KYNU: variants seen among roughly 807,000 people sequenced by gnomAD.
KYNU encodes L-kynurenine hydrolase.
KYNU carries 54 observed loss-of-function variants against 59.2 expected under a neutral mutation model. The observed-to-expected ratio is 0.91, with a 90% CI of 0.73 to 1.14. KYNU has a LOEUF of 1.14. Among genes scored for constraint, KYNU ranks in the 50% most tolerant of loss-of-function variants. The probability of loss-of-function intolerance (pLI) is 0.00; values close to 1 mark genes in which losing one functional copy is unlikely to be tolerated. For missense variants in KYNU, 567 were observed against 554.4 expected, an observed-to-expected ratio of 1.02 and a Z score of -0.23; for synonymous variants, 177 against 192.0, an observed-to-expected ratio of 0.92 and a Z score of 0.65.
intron 10 of KYNU, 44 bp downstream of exon 10, chr2:142,986,065 A>G (rs1685189552): frequency 7.8e-7 from 1 of 1,290,096 alleles, no homozygotes; most frequent in African/African-American, 1.5e-5. Flanking sequence ...GAACAAATTA[A>G]TTTGCATTAA....
intron 8 of KYNU, among the ~76,000 whole-genome samples, chr2:142,979,422 T>A (rs1684986743): frequency 6.6e-6 from 1 of 152,052 alleles, no homozygotes; most frequent in African/African-American, 2.4e-5. Flanking sequence ...GACAGTAAGA[T>A]TAGAAAATTG....
intron 10 of KYNU, among the ~76,000 whole-genome samples, chr2:143,003,533 G>A (rs980774216): frequency 6.6e-6 from 1 of 152,198 alleles, no homozygotes; most frequent in Admixed American, 6.5e-5. Flanking sequence ...AGTGAGCTGA[G>A]ATCACGCCAC....
At chr2:142,930,543 G>C (rs1393233663) in intron 4 of KYNU, among the ~76,000 whole-genome samples, 2 of 152,144 alleles carry the variant, frequency 1.3e-5, no homozygotes, top group Non-Finnish European at 2.9e-5. Context: ...TGTCAGGGTT[G>C]GTTTCTAGTA....
intron 3 of KYNU, among the ~76,000 whole-genome samples, chr2:142,927,433 T>TC (rs1317639447): frequency 1.4e-5 from 2 of 143,480 alleles, no homozygotes; most frequent in Non-Finnish European, 3.0e-5. Flanking sequence ...ATGAACAATC[T>TC]CCCCCATTCC....
chr2:143,020,994 A>G (rs1686391454), intron 10 of KYNU, among the ~76,000 whole-genome samples: 1 of 152,196 alleles, frequency 6.6e-6, no homozygotes, highest in Non-Finnish European at 1.5e-5. Flanking sequence ...GAGGTGAACA[A>G]TGGTATCGCA....
intron 2 of KYNU, among the ~76,000 whole-genome samples, chr2:142,893,485 A>G (rs1305029156): frequency 1.1e-4 from 17 of 152,360 alleles, no homozygotes; most frequent in Non-Finnish European, 2.2e-4. Flanking sequence ...CAGGGAAACT[A>G]TGTACATTTC....
intron 8 of KYNU, among the ~76,000 whole-genome samples, chr2:142,969,798 C>T (rs1684663337): frequency 6.6e-6 from 1 of 152,144 alleles, no homozygotes; most frequent in African/African-American, 2.4e-5. Flanking sequence ...AACAGCTAAA[C>T]CTAGGGCCTC....
At chr2:142,951,583 A>G (rs1443611096) in intron 4 of KYNU, among the ~76,000 whole-genome samples, 1 of 152,198 alleles carries the variant, frequency 6.6e-6, no homozygotes, top group Admixed American at 6.5e-5. Flanking sequence ...AGTCTGTTGT[A>G]GCTATTTGAT....
At position 143,019,150 on chromosome 2, in the gene KYNU, G is replaced by A. The variant is rs142461894; in HGVS notation, c.903-10477G>A. On this transcript the variant is annotated intron_variant, in intron 10 of 13. Transcript: ENST00000264170. ...TTTATTTCTCTTGCCTGATTGCTCT[G>A]TCTAGGACTTTCAGTAATATGTTCA... Among the ~76,000 whole-genome samples the A allele has an allele frequency of 3.4e-4, 51 of 152,156 alleles. No individual in the cohort carries two copies. The East Asian group carries it at 9.5e-3, about 28-fold the overall frequency.
At chr2:142,956,734 A>T (rs866285605) in intron 6 of KYNU, among the ~76,000 whole-genome samples, 4 of 152,268 alleles carry the variant, frequency 2.6e-5, no homozygotes, top group Middle Eastern at 3.4e-3. Context: ...TTTATTAGAG[A>T]TTAAAAATAT....
intron 10 of KYNU, chr2:142,989,256 T>C: frequency 4.6e-6 from 2 of 430,224 alleles, no homozygotes; most frequent in Non-Finnish European, 6.6e-6. Flanking sequence ...AATTAATAAT[T>C]ATATTTCAGT....
rs1358940896 is a variant in KYNU at position 143,042,616 on chromosome 2, A to ATGTGTG, written c.*445_*446insGTGTGT. On this transcript the variant is annotated 3_prime_UTR_variant, in exon 14 of 14. Transcript: ENST00000264170. ...TATATATATATATATATATATATAT[A>ATGTGTG]TATATATATATATATGTGTGTGTGT... 7.8e-5 allele frequency: 3 copies of ATGTGTG among 38,694 alleles called. No individual in the cohort carries two copies. Among genetic ancestry groups the ATGTGTG allele is most frequent in the African/African-American group, 2.9e-4 (3 of 10,202 alleles). The allele number at this position is 38,694 out of a possible 1,614,324, so 2.4% of individuals were successfully genotyped here. A position where few individuals can be genotyped will look rare whatever the true frequency, so the allele number is the denominator to read the frequency against.
At chr2:143,002,154 C>T (rs374165140) in intron 10 of KYNU, among the ~76,000 whole-genome samples, 6 of 151,760 alleles carry the variant, frequency 4.0e-5, no homozygotes, top group Non-Finnish European at 8.8e-5. Context: ...ACAAAGCTGG[C>T]GGAAATATAT....
intron 10 of KYNU, among the ~76,000 whole-genome samples, chr2:143,013,267 C>T (rs959354274): frequency 8.3e-5 from 12 of 144,560 alleles, no homozygotes; most frequent in Non-Finnish European, 1.8e-4. Context: ...TCTCTCTCTC[C>T]CTGTCTCTCT....
Position 143,043,375 on chromosome 2 carries a change from C to T in KYNU, c.*1203C>T, listed in dbSNP as rs1380460210. The T allele has an allele frequency of 6.6e-6, 1 of 151,870 alleles. No individual in the cohort carries two copies. The highest frequency in any genetic ancestry group is 1.5e-5 in the Non-Finnish European group (1 of 67,938). 9.4% of individuals were successfully genotyped at this position (151,870 alleles called of 1,614,324 possible). On this transcript the variant is annotated 3_prime_UTR_variant, in exon 14 of 14. Transcript: ENST00000264170. ...GCCACAATCATTATTTATAAGTTGA[C>T]AAAATAGTGTAGATTTGTATACATA...
chr2:142,960,891 A>T, intron 8 of KYNU, 121 bp downstream of exon 8: 1 of 625,720 alleles, frequency 1.6e-6, no homozygotes, highest in Non-Finnish European at 2.3e-6. Flanking sequence ...TTCAAAAGTT[A>T]AAAAAAAAAA....
At chr2:142,898,264 T>A (rs1036510921) in intron 2 of KYNU, among the ~76,000 whole-genome samples, 2 of 152,054 alleles carry the variant, frequency 1.3e-5, no homozygotes, top group African/African-American at 4.8e-5. Context: ...TTCTTTTTTT[T>A]TTTCATACTT....
intron 10 of KYNU, among the ~76,000 whole-genome samples, chr2:143,001,637 A>G (rs1157376910): frequency 6.6e-6 from 1 of 151,992 alleles, no homozygotes; most frequent in Non-Finnish European, 1.5e-5. Flanking sequence ...TCCCTCCTTC[A>G]ACTTTGTTCT....
chr2:142,975,193 C>T (rs952395493), intron 8 of KYNU, among the ~76,000 whole-genome samples: 1 of 152,150 alleles, frequency 6.6e-6, no homozygotes, highest in African/African-American at 2.4e-5. Context: ...CCATAAAAAC[C>T]CCAAACTCCT....
Sources: gnomAD v4.1 joint callset for allele counts (sites outside exome capture counted in the v4.1 genomes callset) on GRCh38, gnomAD v4.1.1 for gene constraint, MANE v1.5 for transcripts, NCBI Gene and HGNC (gene_info 2026-07-23, HGNC 2026-07-21) for gene names.